DNM3: variants seen among roughly 807,000 people sequenced by gnomAD.
The protein encoded by DNM3 is dynamin 3, also known as dynamin-3.
DNM3 carries 47 observed loss-of-function variants against 101.6 expected under a neutral mutation model. That is an observed-to-expected ratio of 0.46 (90% CI 0.37 to 0.59). The LOEUF (loss-of-function observed/expected upper bound fraction) is 0.59. Among genes scored for constraint, DNM3 ranks in the 20% least tolerant of loss-of-function variants. DNM3 has a pLI of 0.00. For missense variants in DNM3, 849 were observed against 1,085.7 expected (o/e 0.78, Z 3.06); for synonymous variants, 385 against 387.9 (o/e 0.99, Z 0.09).
chr1:171,904,895 G>T (rs533334183), intron 1 of DNM3, among the ~76,000 whole-genome samples: 1 of 152,242 alleles, frequency 6.6e-6, no homozygotes, highest in African/African-American at 2.4e-5. Context: ...GAACCACGGG[G>T]TTTAGACAAT....
Position 172,411,231 on chromosome 1 carries a change from C to A in DNM3, c.*3390C>A, listed in dbSNP as rs1283524744. ...GCCATAACATGTGGTAACAATAGTTCATTTCTCATAACATATATGAGGTAT... is the reference window on the plus strand; with the variant it reads ...GCCATAACATGTGGTAACAATAGTTAATTTCTCATAACATATATGAGGTAT... On this transcript the variant is annotated 3_prime_UTR_variant, in exon 21 of 21. Coordinates refer to ENST00000627582, the MANE Select transcript of DNM3 (RefSeq NM_015569.5). The A allele has an allele frequency of 1.0e-6, 1 of 984,972 alleles. No homozygotes were observed. Among genetic ancestry groups the A allele is most frequent in the Non-Finnish European group, 1.2e-6 (1 of 829,718 alleles). 61.0% of individuals were successfully genotyped at this position (984,972 alleles called of 1,614,324 possible).
chr1:171,908,972 C>T (rs1213598305), intron 1 of DNM3, among the ~76,000 whole-genome samples: 2 of 152,120 alleles, frequency 1.3e-5, no homozygotes, highest in Non-Finnish European at 2.9e-5. Context: ...TCCTTTTCTT[C>T]CTCCCTCCCT....
At chr1:172,264,359 C>A (rs1557901142) in intron 15 of DNM3, among the ~76,000 whole-genome samples, 1 of 152,272 alleles carries the variant, frequency 6.6e-6, no homozygotes, top group Non-Finnish European at 1.5e-5. Context: ...GTGGTAAAAT[C>A]ATGCATCTTT....
rs546930378 is a variant in DNM3 at position 171,917,540 on chromosome 1, G to A, written c.162-4208G>A. On this transcript the variant is annotated intron_variant, in intron 1 of 20. Transcript: ENST00000627582. ...CCAGCTGTTAACACTGAAGATTAACGCTTTATTGAGATGGGTTGAGAGAGA... is the reference window on the plus strand; with the variant it reads ...CCAGCTGTTAACACTGAAGATTAACACTTTATTGAGATGGGTTGAGAGAGA... 4.1e-4 allele frequency among the ~76,000 whole-genome samples: 63 copies of A among 152,256 alleles called. 1 individual carries two copies. In the East Asian group the frequency reaches 5.0e-3, roughly 12 times the overall value.
At chr1:172,193,747 CT>C in intron 14 of DNM3, among the ~76,000 whole-genome samples, 1 of 152,030 alleles carries the variant, frequency 6.6e-6, no homozygotes, top group African/African-American at 2.4e-5. Flanking sequence ...TGATTCTTCT[CT>C]CTTTTCTTCT....
At chr1:172,378,379 C>G (rs1228326085) in intron 17 of DNM3, 1 of 152,068 alleles carries the variant, frequency 6.6e-6, no homozygotes, top group Non-Finnish European at 1.5e-5. Flanking sequence ...CAAAGAATAA[C>G]AAGTTGGAAG....
chr1:172,252,932 G>A (rs1240467904), intron 14 of DNM3, among the ~76,000 whole-genome samples: 2 of 152,048 alleles, frequency 1.3e-5, no homozygotes, highest in African/African-American at 2.4e-5. Flanking sequence ...TCCCCAAAGA[G>A]CTCAACAATT....
At chr1:172,035,609 T>G (rs2048900128) in intron 6 of DNM3, among the ~76,000 whole-genome samples, 2 of 152,176 alleles carry the variant, frequency 1.3e-5, no homozygotes, top group Admixed American at 1.3e-4. Context: ...AGTATTGCTT[T>G]GCTCTGGAGA....
intron 1 of DNM3, among the ~76,000 whole-genome samples, chr1:171,884,875 T>C (rs1049165823): frequency 1.3e-5 from 2 of 152,222 alleles, no homozygotes; most frequent in African/African-American, 4.8e-5. Context: ...CCAGAGTTAT[T>C]GTGTGAGAGC....
chr1:171,927,689 A>G (rs144427861), intron 2 of DNM3, among the ~76,000 whole-genome samples: 1 of 152,344 alleles, frequency 6.6e-6, no homozygotes, highest in East Asian at 1.9e-4. Flanking sequence ...GGCCTTAAAA[A>G]AGAACAAGAT....
chr1:171,939,081 T>C (rs1571723597), intron 2 of DNM3, among the ~76,000 whole-genome samples: 1 of 152,264 alleles, frequency 6.6e-6, no homozygotes, highest in African/African-American at 2.4e-5. Flanking sequence ...TTACTTTTTT[T>C]CCTTGGCTTA....
At chr1:172,231,929 A>C (rs916744085) in intron 14 of DNM3, among the ~76,000 whole-genome samples, 4 of 152,216 alleles carry the variant, frequency 2.6e-5, no homozygotes, top group Non-Finnish European at 5.9e-5. Context: ...GCCTCCAAGA[A>C]ATATGGGACT....
chr1:172,080,891 C>G (rs2053089248), intron 11 of DNM3, among the ~76,000 whole-genome samples: 1 of 152,154 alleles, frequency 6.6e-6, no homozygotes, highest in Admixed American at 6.5e-5. Flanking sequence ...AGTTCCCTGA[C>G]CCCATAAGCT....
rs2071133664 is a variant in DNM3 at position 172,410,303 on chromosome 1, C to T, written c.*2462C>T. ...TTGACGTGCAGCATGCACACCAGGCCTTAAGATGGGAATGTAGCTTAATGA... is the reference window on the plus strand; with the variant it reads ...TTGACGTGCAGCATGCACACCAGGCTTTAAGATGGGAATGTAGCTTAATGA... On this transcript the variant is annotated 3_prime_UTR_variant, in exon 21 of 21. Coordinates refer to ENST00000627582, the MANE Select transcript of DNM3 (RefSeq NM_015569.5). 1 of 985,200 alleles carries T rather than the reference C, an allele frequency of 1.0e-6. No homozygotes were observed. Among genetic ancestry groups the T allele is most frequent in the Non-Finnish European group, 1.2e-6 (1 of 829,868 alleles). 61.0% of individuals were successfully genotyped at this position (985,200 alleles called of 1,614,324 possible). A position where few individuals can be genotyped will look rare whatever the true frequency, so the allele number is the denominator to read the frequency against.
At chr1:172,023,780 C>G (rs1041480213) in intron 4 of DNM3, among the ~76,000 whole-genome samples, 4 of 150,852 alleles carry the variant, frequency 2.7e-5, no homozygotes, top group African/African-American at 9.7e-5. Flanking sequence ...TTGATTTTCT[C>G]TCTTTGGAAT....
chr1:171,988,354 A>G (rs1352582145), intron 3 of DNM3, among the ~76,000 whole-genome samples: 2 of 152,120 alleles, frequency 1.3e-5, no homozygotes, highest in African/African-American at 4.8e-5. Flanking sequence ...TTAAAACAGA[A>G]TATAAATGAC....
chr1:172,079,267 A>C (rs1390532060), intron 11 of DNM3, among the ~76,000 whole-genome samples: 1 of 151,962 alleles, frequency 6.6e-6, no homozygotes, highest in South Asian at 2.1e-4. Flanking sequence ...ATCAAACATA[A>C]GTTTGGTCTT....
intron 14 of DNM3, among the ~76,000 whole-genome samples, chr1:172,223,132 A>G (rs745607420): frequency 5.9e-5 from 9 of 152,062 alleles, no homozygotes; most frequent in African/African-American, 9.7e-5. Flanking sequence ...CAATATTGTT[A>G]ACTATAGTCA....
At chr1:172,223,272 C>CTT (rs398049746) in intron 14 of DNM3, among the ~76,000 whole-genome samples, 60 of 135,570 alleles carry the variant, frequency 4.4e-4, no homozygotes, top group African/African-American at 1.3e-3. Context: ...TTTTTCTTTT[C>CTT]TTTTTTTTTT....
Sources: allele counts gnomAD v4.1 joint callset (sites outside exome capture counted in the v4.1 genomes callset), GRCh38; gene constraint gnomAD v4.1.1; transcripts MANE v1.5; gene names NCBI Gene and HGNC (gene_info 2026-07-23, HGNC 2026-07-21).